FAM228A: variants seen among roughly 807,000 people sequenced by gnomAD.
FAM228A encodes family with sequence similarity 228 member A.
In FAM228A, 13 loss-of-function variants were observed where a neutral mutation model predicts 18.6. The observed-to-expected ratio is 0.70, with a 90% CI of 0.45 to 1.11. The LOEUF (loss-of-function observed/expected upper bound fraction) is 1.11. Ranked by LOEUF, FAM228A falls within the 50% of genes least tolerant of loss-of-function variation. The pLI, the probability that FAM228A is intolerant of heterozygous loss-of-function variation, is 0.00. For synonymous variants in FAM228A, 77 were observed against 86.6 expected (o/e 0.89, Z 0.61); for missense variants, 240 against 242.2 (o/e 0.99, Z 0.06).
chr2:24,175,318 C>G (rs55986600), intron 1 of FAM228A, 144 bp downstream of exon 1: 6 of 656,286 alleles, frequency 9.1e-6, no homozygotes, highest in Non-Finnish European at 1.6e-5. Flanking sequence ...GTTGAAGCGC[C>G]TAGGGCGCCA....
Position 24,175,571 on chromosome 2 carries a change from G to A in FAM228A, c.91G>A (p.Glu31Lys), listed in dbSNP as rs1667660712. 6.2e-7 allele frequency: 1 copy of A among 1,612,306 alleles called. No homozygotes were observed. Among genetic ancestry groups the A allele is most frequent in the Non-Finnish European group, 8.5e-7 (1 of 1,178,400 alleles). ...GGAGCCCGAGTCCGTTTCTTTAATGGAGGTGAGATAACGTGGCGTTTTGAG... is the reference window on the plus strand; with the variant it reads ...GGAGCCCGAGTCCGTTTCTTTAATGAAGGTGAGATAACGTGGCGTTTTGAG... ...WPEPESVSLMEVLAREDIDEA... is the reference protein window; with the variant it reads ...WPEPESVSLMKVLAREDIDEA... The change falls in exon 2 of 6, where the codon GAG (glutamate) becomes AAG (lysine). Residue 31 changes from glutamate (E) to lysine (K), a missense_variant and splice_region_variant. By Grantham distance (56) the Glu-to-Lys change is moderately conservative. Transcript: ENST00000295150.
chr2:24,176,119 CA>C, intron 2 of FAM228A: 1 of 985,166 alleles, frequency 1.0e-6, no homozygotes, highest in Non-Finnish European at 1.2e-6. Context: ...CCATCAAAGA[CA>C]AAAACTGTTT....
Position 24,183,542 on chromosome 2 carries a change from C to A in FAM228A, c.298C>A (p.Leu100Met), listed in dbSNP as rs745823327. Residue 100 changes from leucine to methionine, a missense_variant, in exon 5 of 6, where the codon CTG becomes ATG. Leu to Met is a conservative substitution (Grantham distance 15). Coordinates refer to ENST00000295150, the MANE Select transcript of FAM228A (RefSeq NM_001040710.3). Reference sequence around the variant, plus strand: ...ACTTGAAGAAATAGAGAAGGCCAGGCTGCATGCCAGCTCGCCCTACTTCAC... The same window carrying A: ...ACTTGAAGAAATAGAGAAGGCCAGGATGCATGCCAGCTCGCCCTACTTCAC... ...KELEEIEKAR[L>M]HASSPYFTFT... The A allele has an allele frequency of 6.2e-7, 1 of 1,614,018 alleles. No individual in the cohort carries two copies. Among genetic ancestry groups the A allele is most frequent in the Admixed American group, 1.7e-5 (1 of 60,004 alleles).
chr2:24,176,337 C>T, intron 2 of FAM228A: 2 of 424,496 alleles, frequency 4.7e-6, no homozygotes, highest in Middle Eastern at 1.2e-3. Flanking sequence ...TTTTCAGTTG[C>T]CATCTTCATT....
intron 5 of FAM228A, chr2:24,188,388 C>G: frequency 1.0e-6 from 1 of 977,014 alleles, no homozygotes. Flanking sequence ...TTTCCTAATG[C>G]TCTCCCTTCC....
intron 5 of FAM228A, among the ~76,000 whole-genome samples, chr2:24,189,447 G>C (rs1408842607): frequency 6.6e-6 from 1 of 152,146 alleles, no homozygotes; most frequent in Non-Finnish European, 1.5e-5. Context: ...GGCCATTCCA[G>C]TGCAGGCAAG....
intron 3 of FAM228A, 79 bp downstream of exon 3, chr2:24,177,949 A>T: frequency 1.1e-6 from 1 of 875,872 alleles, no homozygotes; most frequent in Non-Finnish European, 1.8e-6. Flanking sequence ...CCAAGAGTTT[A>T]TGTCACCGTG....
In FAM228A at chr2:24,190,908, G is replaced by A. The variant is rs1212853879; in HGVS notation, c.*277G>A. The A allele has an allele frequency of 1.2e-5, 14 of 1,146,290 alleles. No homozygotes were observed. The highest frequency in any genetic ancestry group is 1.5e-5 in the Non-Finnish European group (14 of 932,428). 71.0% of individuals were successfully genotyped at this position (1,146,290 alleles called of 1,614,324 possible). ...CTTTTCCCCCTGAGATTTCTTCAGC[G>A]CCTTCGCCCGGGCCTTTGCCCTTCT... On this transcript the variant is annotated 3_prime_UTR_variant, in exon 6 of 6. Transcript: ENST00000295150.
chr2:24,183,470 A>G (rs1339810860), intron 4 of FAM228A, 25 bp from the exon 5 acceptor site: 1 of 1,608,964 alleles, frequency 6.2e-7, no homozygotes, highest in Non-Finnish European at 8.5e-7. Context: ...AAGAGTGTTG[A>G]TTTCGATTTT....
intron 3 of FAM228A, chr2:24,179,237 T>G: frequency 1.2e-6 from 1 of 860,198 alleles, no homozygotes. Context: ...AGTAATTTCA[T>G]ATAAAGAGCT....
chr2:24,179,145 T>C (rs1667759117), intron 3 of FAM228A: 2 of 1,147,980 alleles, frequency 1.7e-6, no homozygotes, highest in Non-Finnish European at 2.2e-6. Flanking sequence ...GTGGATACTT[T>C]TAAGGAAAGA....
chr2:24,189,260 T>C (rs1225314365), intron 5 of FAM228A, among the ~76,000 whole-genome samples: 2 of 152,218 alleles, frequency 1.3e-5, no homozygotes, highest in African/African-American at 4.8e-5. Context: ...GCCCTCAACA[T>C]GGCACATGAG....
intron 5 of FAM228A, chr2:24,188,477 G>T (rs1219529153): frequency 2.0e-6 from 2 of 984,952 alleles, no homozygotes; most frequent in African/African-American, 3.5e-5. Flanking sequence ...GAGAGTTTCT[G>T]TCCTCCATTG....
rs1185246205 is a variant in FAM228A at position 24,175,092 on chromosome 2, T to C, written c.-97T>C. ...TCGGGCCCGCGGGCTCCTTTCTCCGTCGCCGCTCCAGGACGCGGCCTCGGG... is the reference window on the plus strand; with the variant it reads ...TCGGGCCCGCGGGCTCCTTTCTCCGCCGCCGCTCCAGGACGCGGCCTCGGG... On this transcript the variant is annotated 5_prime_UTR_variant, in exon 1 of 6. Coordinates refer to ENST00000295150, the MANE Select transcript of FAM228A (RefSeq NM_001040710.3). 1 of 173,758 alleles carries C rather than the reference T, an allele frequency of 5.8e-6. No individual in the cohort carries two copies. Among genetic ancestry groups the C allele is most frequent in the Non-Finnish European group, 1.2e-5 (1 of 82,972 alleles). 10.8% of individuals were successfully genotyped at this position (173,758 alleles called of 1,614,324 possible).
At chr2:24,175,343 T>G in intron 1 of FAM228A, 124 bp from the exon 2 acceptor site, 1 of 712,526 alleles carries the variant, frequency 1.4e-6, no homozygotes, top group Non-Finnish European at 2.4e-6. Flanking sequence ...TCCCAGTTTG[T>G]TGGGTGACTC....
At chr2:24,175,971 C>T (rs1573799218) in intron 2 of FAM228A, 1 of 1,021,864 alleles carries the variant, frequency 9.8e-7, no homozygotes, top group African/African-American at 1.7e-5. Flanking sequence ...TCTTTTTCCC[C>T]TTTTGCCCTA....
At chr2:24,175,808 G>A in intron 2 of FAM228A, 2 of 1,007,120 alleles carry the variant, frequency 2.0e-6, no homozygotes, top group Non-Finnish European at 2.7e-6. Context: ...GCGGGTGAAG[G>A]CAGCCACCCC....
At position 24,175,585 on chromosome 2, in the gene FAM228A, T is replaced by A. The variant is rs116450336; in HGVS notation, c.93+12T>A. On this transcript the variant is annotated intron_variant, in intron 2 of 5. Coordinates refer to ENST00000295150, the MANE Select transcript of FAM228A (RefSeq NM_001040710.3). Reference sequence around the variant, plus strand: ...TTTCTTTAATGGAGGTGAGATAACGTGGCGTTTTGAGACGTCATTTTGGCG... The same window carrying A: ...TTTCTTTAATGGAGGTGAGATAACGAGGCGTTTTGAGACGTCATTTTGGCG... 0.039 allele frequency: 62,642 copies of A among 1,602,396 alleles called. 1,453 individuals carry two copies. Among genetic ancestry groups the A allele is most frequent in the Non-Finnish European group, 0.041 (47,564 of 1,169,274 alleles).
rs375721925 is a variant in FAM228A at position 24,175,229 on chromosome 2, T to A, written c.-15+55T>A. On this transcript the variant is annotated intron_variant, in intron 1 of 5. Coordinates refer to ENST00000295150, the MANE Select transcript of FAM228A (RefSeq NM_001040710.3). ...GGGTCGCGGAGCCCAGGGAGGGCTG[T>A]GGCAGGGCCAGGGGGGCGCGCCCCG... 8.4e-4 allele frequency: 395 copies of A among 469,098 alleles called. 1 individual carries two copies. Among genetic ancestry groups the A allele is most frequent in the African/African-American group, 7.3e-3 (365 of 50,160 alleles). 29.1% of individuals were successfully genotyped at this position (469,098 alleles called of 1,614,324 possible). A position where few individuals can be genotyped will look rare whatever the true frequency, so the allele number is the denominator to read the frequency against.
Sources: gnomAD v4.1 joint callset for allele counts (sites outside exome capture counted in the v4.1 genomes callset) on GRCh38, gnomAD v4.1.1 for gene constraint, MANE v1.5 for transcripts, NCBI Gene and HGNC (gene_info 2026-07-23, HGNC 2026-07-21) for gene names.